Variants in CDK19 observed in about 807,000 individuals in gnomAD.
CDK19 encodes the protein cyclin-dependent kinase 19.
In CDK19, 20 loss-of-function variants were observed where a neutral mutation model predicts 68.3. That is an observed-to-expected ratio of 0.29 (90% confidence interval 0.21 to 0.43). The LOEUF (loss-of-function observed/expected upper bound fraction) is 0.43, where lower values mean the gene tolerates loss of function less well. Among genes scored for constraint, CDK19 ranks in the 20% least tolerant of loss-of-function variants. The pLI is 1.00. For synonymous variants in CDK19, 221 were observed against 222.8 expected (o/e 0.99, Z 0.07); for missense variants, 339 against 623.5 (o/e 0.54, Z 4.86).
At chr6:110,694,431 T>C (rs1773304357) in intron 2 of CDK19, among the ~76,000 whole-genome samples, 1 of 152,184 alleles carries the variant, frequency 6.6e-6, no homozygotes, top group Admixed American at 6.5e-5. Context: ...CATTATATAA[T>C]GATAAAAGGA....
chr6:110,638,769 A>T (rs985996271), intron 4 of CDK19, 63 bp from the exon 5 acceptor site: 2 of 878,274 alleles, frequency 2.3e-6, no homozygotes. Context: ...TCTAAAATGG[A>T]GAAAAGTTCT....
At chr6:110,749,815 C>T (rs1778343996) in intron 1 of CDK19, among the ~76,000 whole-genome samples, 1 of 145,420 alleles carries the variant, frequency 6.9e-6, no homozygotes, top group Admixed American at 6.7e-5. Flanking sequence ...CTCTGTTGCT[C>T]AGGCTGGAGT....
At chr6:110,785,372 T>C (rs1284022542) in intron 1 of CDK19, among the ~76,000 whole-genome samples, 1 of 152,210 alleles carries the variant, frequency 6.6e-6, no homozygotes, top group East Asian at 1.9e-4. Flanking sequence ...TAGCCTACTG[T>C]TGACTGGAAA....
intron 1 of CDK19, among the ~76,000 whole-genome samples, chr6:110,796,154 T>C (rs1051705367): frequency 9.2e-5 from 14 of 152,022 alleles, no homozygotes; most frequent in Admixed American, 6.6e-5. Flanking sequence ...CTGGCCAACA[T>C]GGAGAAACCC....
Position 110,623,657 on chromosome 6 carries a change from CTGAGTCAAAGAGATGA to C in CDK19, c.861-311_861-296del, listed in dbSNP as rs1226910485. Among the ~76,000 whole-genome samples the C allele has an allele frequency of 2.0e-5, 3 of 151,214 alleles. No individual in the cohort carries two copies. In the East Asian group the frequency reaches 5.8e-4, roughly 29 times the overall value. ...AGCAACTCCATTTCTAGGCACATAC[CTGAGTCAAAGAGATGA>C]TTTTGTACATGTATATCAGGATACA... On this transcript the variant is annotated intron_variant, in intron 8 of 12. Transcript: ENST00000368911.
chr6:110,676,140 A>T (rs541075640), intron 2 of CDK19, among the ~76,000 whole-genome samples: 30 of 152,326 alleles, frequency 2.0e-4, no homozygotes, highest in South Asian at 6.2e-4. Context: ...ACCCTCATGG[A>T]TAATTTTGAG....
At chr6:110,721,886 C>G (rs1775921017) in intron 2 of CDK19, among the ~76,000 whole-genome samples, 1 of 152,116 alleles carries the variant, frequency 6.6e-6, no homozygotes, top group African/African-American at 2.4e-5. Flanking sequence ...ATCACTTGAA[C>G]CAGGGAGACA....
At chr6:110,759,354 G>T (rs546881542) in intron 1 of CDK19, among the ~76,000 whole-genome samples, 1 of 141,130 alleles carries the variant, frequency 7.1e-6, no homozygotes, top group South Asian at 2.2e-4. Flanking sequence ...GCAGTGAGCC[G>T]AGATGGCACC....
chr6:110,701,230 G>A (rs1773975813), intron 2 of CDK19, among the ~76,000 whole-genome samples: 1 of 144,348 alleles, frequency 6.9e-6, no homozygotes, highest in South Asian at 2.2e-4. Context: ...TTAATTACCA[G>A]TTGTTAAAGA....
chr6:110,728,375 TC>T (rs1286152892), intron 2 of CDK19, among the ~76,000 whole-genome samples: 8 of 151,560 alleles, frequency 5.3e-5, no homozygotes, highest in African/African-American at 1.9e-4. Context: ...AAAACGGAAA[TC>T]TTTGCCACCT....
chr6:110,705,897 G>C (rs138703774), intron 2 of CDK19, among the ~76,000 whole-genome samples: 3 of 152,178 alleles, frequency 2.0e-5, no homozygotes, highest in Admixed American at 6.5e-5. Context: ...ACCAGATGTA[G>C]ATGATGGGTT....
At chr6:110,712,322 G>A (rs913943895) in intron 2 of CDK19, among the ~76,000 whole-genome samples, 7 of 152,030 alleles carry the variant, frequency 4.6e-5, no homozygotes, top group African/African-American at 9.7e-5. Context: ...GCTTCTTTTC[G>A]CATTTCCAGG....
At chr6:110,633,106 C>A (rs1385662615) in intron 5 of CDK19, among the ~76,000 whole-genome samples, 1 of 152,118 alleles carries the variant, frequency 6.6e-6, no homozygotes, top group African/African-American at 2.4e-5. Flanking sequence ...GTAGTCCCAG[C>A]CACTACGGAG....
At chr6:110,646,294 A>G in intron 4 of CDK19, 1 of 1,505,882 alleles carries the variant, frequency 6.6e-7, no homozygotes, top group East Asian at 2.5e-5. Context: ...ATGTGCAAGC[A>G]CAAGGTGCTC....
At chr6:110,670,811 A>T in intron 2 of CDK19, 2 of 540,814 alleles carry the variant, frequency 3.7e-6, no homozygotes, top group Non-Finnish European at 7.0e-6. Flanking sequence ...GCAAGCAGGA[A>T]TGTGTTTTTA....
intron 1 of CDK19, among the ~76,000 whole-genome samples, chr6:110,794,587 TAG>T (rs35993266): frequency 0.096 from 14,529 of 150,954 alleles, 1,003 homozygotes; most frequent in East Asian, 0.36. Flanking sequence ...GTATTTTTAG[TAG>T]AGACAGGGTT....
Position 110,815,166 on chromosome 6 carries a change from G to A in CDK19, c.-30C>T, listed in dbSNP as rs773354929. 2.2e-5 allele frequency: 34 copies of A among 1,560,540 alleles called. No individual in the cohort carries two copies. Among genetic ancestry groups the A allele is most frequent in the Non-Finnish European group, 2.9e-5 (34 of 1,154,914 alleles). Reference sequence around the variant, plus strand: ...TGCTTCCCCCATAGAGGCACGGGACGCGGGGGCCGCCGCCGCTCAGTCCCT... The same window carrying A: ...TGCTTCCCCCATAGAGGCACGGGACACGGGGGCCGCCGCCGCTCAGTCCCT... On this transcript the variant is annotated 5_prime_UTR_variant, in exon 1 of 13. Transcript: ENST00000368911.
At chr6:110,640,820 G>T (rs1381773042) in intron 4 of CDK19, among the ~76,000 whole-genome samples, 2 of 152,150 alleles carry the variant, frequency 1.3e-5, no homozygotes, top group Non-Finnish European at 2.9e-5. Context: ...ATCCAGGCAT[G>T]GTGGCACATG....
chr6:110,757,050 C>G (rs1778885345), intron 1 of CDK19, among the ~76,000 whole-genome samples: 1 of 152,172 alleles, frequency 6.6e-6, no homozygotes, highest in Admixed American at 6.5e-5. Flanking sequence ...AACCAAACCT[C>G]TTTCACATGA....
Sources: allele counts gnomAD v4.1 joint callset (sites outside exome capture counted in the v4.1 genomes callset), GRCh38; gene constraint gnomAD v4.1.1; transcripts MANE v1.5; gene names NCBI Gene and HGNC (gene_info 2026-07-23, HGNC 2026-07-21).